The following IQSEC1 variants were observed in gnomAD, a reference collection of about 807,000 sequenced individuals.
IQSEC1 encodes the protein IQ motif and Sec7 domain ArfGEF 1, also known as IQ motif and SEC7 domain-containing protein 1.
IQSEC1 carries 31 observed loss-of-function variants against 91.0 expected under a neutral mutation model. That is an observed-to-expected ratio of 0.34 (90% CI 0.26 to 0.46). The LOEUF (loss-of-function observed/expected upper bound fraction) is 0.46. IQSEC1 is among the 20% of genes least tolerant of loss of function. IQSEC1 has a pLI of 1.00. For synonymous variants in IQSEC1, 699 were observed against 662.6 expected, an observed-to-expected ratio of 1.05 and a Z score of -0.84; for missense variants, 1,388 against 1,575.6, an observed-to-expected ratio of 0.88 and a Z score of 2.02.
chr3:13,121,256 T>C (rs976169403), intron 2 of IQSEC1, among the ~76,000 whole-genome samples: 1 of 152,216 alleles, frequency 6.6e-6, no homozygotes, highest in East Asian at 1.9e-4. Context: ...AAAGCCTAAA[T>C]AGTTACCGTC....
chr3:12,991,844 C>A (rs371396408), intron 1 of IQSEC1, among the ~76,000 whole-genome samples: 15 of 152,082 alleles, frequency 9.9e-5, no homozygotes, highest in East Asian at 9.6e-4. Flanking sequence ...TGACTAAAAC[C>A]AAGGGTGGTG....
intron 1 of IQSEC1, among the ~76,000 whole-genome samples, chr3:13,240,792 G>A (rs958201140): frequency 8.5e-5 from 13 of 152,182 alleles, no homozygotes; most frequent in African/African-American, 3.1e-4. Context: ...GTGCCAACAG[G>A]CAGAGTTGCG....
At chr3:13,048,776 C>T (rs1245661886) in intron 1 of IQSEC1, among the ~76,000 whole-genome samples, 1 of 152,176 alleles carries the variant, frequency 6.6e-6, no homozygotes, top group African/African-American at 2.4e-5. Context: ...TTCGAATCCC[C>T]AATGCCAGGC....
chr3:13,015,649 A>G (rs1703091210), intron 1 of IQSEC1: 1 of 985,016 alleles, frequency 1.0e-6, no homozygotes, highest in Admixed American at 6.2e-5. Flanking sequence ...GCCCCGGGGG[A>G]TGAGCTGTGG....
chr3:13,093,748 G>A (rs1308845682), intron 2 of IQSEC1, among the ~76,000 whole-genome samples: 2 of 152,176 alleles, frequency 1.3e-5, no homozygotes, highest in African/African-American at 4.8e-5. Flanking sequence ...TGGATCCACT[G>A]TCTGGCATCC....
rs532694767 is a variant in IQSEC1, at chr3:13,119,076, A to G, written c.302+45028T>C. On this transcript the variant is annotated intron_variant, in intron 2 of 15. Coordinates refer to the IQSEC1 transcript ENST00000648114. ...GCAACAGAGCAAGACTCTGTCTCAA[A>G]AAAAAAAAATGGTGAAAATGGCAAA... Among the ~76,000 whole-genome samples the G allele has an allele frequency of 3.3e-5, 5 of 152,214 alleles. No individual in the cohort carries two copies. The South Asian group carries it at 1.0e-3, about 32-fold the overall frequency.
chr3:12,957,016 A>G (rs904472942), intron 1 of IQSEC1, among the ~76,000 whole-genome samples: 6 of 152,166 alleles, frequency 3.9e-5, no homozygotes, highest in Non-Finnish European at 7.4e-5. Context: ...TTAACTCCTC[A>G]AGTCTTGTGG....
At chr3:13,184,758 G>A (rs1395516001) in intron 1 of IQSEC1, among the ~76,000 whole-genome samples, 4 of 152,226 alleles carry the variant, frequency 2.6e-5, no homozygotes, top group Admixed American at 6.5e-5. Context: ...GTCACAGGAT[G>A]CAAGCTGAGT....
At chr3:12,956,008 C>T (rs1699882324) in intron 1 of IQSEC1, among the ~76,000 whole-genome samples, 1 of 152,232 alleles carries the variant, frequency 6.6e-6, no homozygotes, top group African/African-American at 2.4e-5. Flanking sequence ...ATTTCAGCAA[C>T]TTAAGATTTT....
At chr3:13,070,215 A>G (rs1378860944) in intron 1 of IQSEC1, among the ~76,000 whole-genome samples, 5 of 152,216 alleles carry the variant, frequency 3.3e-5, no homozygotes, top group African/African-American at 1.2e-4. Context: ...TGGGGAAGGG[A>G]CACCACTGCC....
rs1695807445 is a variant in IQSEC1 at position 13,282,302 on chromosome 3, C to G, written c.272+409G>C. On this transcript the variant is annotated intron_variant, in intron 1 of 15. Coordinates refer to the IQSEC1 transcript ENST00000648114. This position sits in a 1 kb window ranked among gnomAD's most constrained non-coding sequence, Gnocchi z 6.4. ...GCGGGATCCGCGCGGCCCGCGACCCCTCCCTACCGGTCTCGGGATCTCTGG... is the reference window on the plus strand; with the variant it reads ...GCGGGATCCGCGCGGCCCGCGACCCGTCCCTACCGGTCTCGGGATCTCTGG... 6.6e-6 allele frequency among the ~76,000 whole-genome samples: 1 copy of G among 152,176 alleles called. No individual in the cohort carries two copies. Among genetic ancestry groups the G allele is most frequent in the African/African-American group, 2.4e-5 (1 of 41,442 alleles).
At chr3:12,952,433 C>T (rs369966612) in intron 1 of IQSEC1, among the ~76,000 whole-genome samples, 14 of 152,318 alleles carry the variant, frequency 9.2e-5, no homozygotes, top group African/African-American at 2.9e-4. Flanking sequence ...ACACAGAGCC[C>T]GCATCTGCCA....
intron 1 of IQSEC1, among the ~76,000 whole-genome samples, chr3:13,224,102 C>T (rs754976233): frequency 6.6e-6 from 1 of 152,088 alleles, no homozygotes; most frequent in Non-Finnish European, 1.5e-5. Context: ...CGGGAGGCTG[C>T]TGGGAGGCTT....
intron 1 of IQSEC1, among the ~76,000 whole-genome samples, chr3:13,248,169 G>C (rs1695138578): frequency 6.6e-6 from 1 of 152,198 alleles, no homozygotes; most frequent in South Asian, 2.1e-4. Flanking sequence ...TTGGAAACCT[G>C]GGCTCTTTCC....
rs5846799 is a variant in IQSEC1, at chr3:13,101,419, C to CAAAAAAAAAAAAAAAAAA, written c.303-53898_303-53897insTTTTTTTTTTTTTTTTTT. ...GGGAGACAGGGTGAGATTCCATCTC[C>CAAAAAAAAAAAAAAAAAA]AAAAAAAAAAAAAATGCACCCTTCT... On this transcript the variant is annotated intron_variant, in intron 2 of 15. Coordinates refer to the IQSEC1 transcript ENST00000648114. 1.5e-4 allele frequency among the ~76,000 whole-genome samples: 18 copies of CAAAAAAAAAAAAAAAAAA among 119,474 alleles called. 1 individual carries two copies. Among genetic ancestry groups the CAAAAAAAAAAAAAAAAAA allele is most frequent in the African/African-American group, 5.3e-4 (16 of 30,386 alleles). The allele number at this position is 119,474 out of a possible 152,430, so 78.4% of individuals were successfully genotyped here.
chr3:12,963,282 G>A (rs749181154), intron 1 of IQSEC1, among the ~76,000 whole-genome samples: 4 of 152,238 alleles, frequency 2.6e-5, no homozygotes, highest in South Asian at 2.1e-4. Flanking sequence ...GAGATAAAAC[G>A]GAAAGAATGG....
chr3:13,066,713 T>C (rs1337676869), intron 1 of IQSEC1, among the ~76,000 whole-genome samples: 1 of 152,208 alleles, frequency 6.6e-6, no homozygotes, highest in East Asian at 1.9e-4. Flanking sequence ...CACCCCGTTC[T>C]CTTCCCAGCT....
intron 2 of IQSEC1, among the ~76,000 whole-genome samples, chr3:13,098,601 T>C (rs1706003890): frequency 6.6e-6 from 1 of 150,828 alleles, no homozygotes; most frequent in Non-Finnish European, 1.5e-5. Context: ...TGGAGAAGAG[T>C]GTCTGAGGCA....
rs780635138 is a variant in IQSEC1 at position 13,246,158 on chromosome 3, T to C, written c.272+36553A>G. Among the ~76,000 whole-genome samples the C allele has an allele frequency of 2.7e-4, 41 of 152,336 alleles. 1 individual carries two copies. The highest frequency in any genetic ancestry group is 6.8e-3 in the Middle Eastern group (2 of 294). On this transcript the variant is annotated intron_variant, in intron 1 of 15. Transcript: ENST00000648114. ...ATACAAACAAAATGCGGCCTATCCA[T>C]GCAAGGGACTATTAGCCCTACAAAG...
Sources: gnomAD v4.1 joint callset for allele counts (sites outside exome capture counted in the v4.1 genomes callset) on GRCh38, gnomAD v4.1.1 for gene constraint, Gnocchi (gnomAD v3.1) non-coding constraint, MANE v1.5 for transcripts, NCBI Gene and HGNC (gene_info 2026-07-23, HGNC 2026-07-21) for gene names.